The following HDAC9 variants were observed in gnomAD, a reference collection of about 807,000 sequenced individuals.
HDAC9 encodes the protein MEF-2 interacting transcription repressor (MITR) protein.
Under a neutral mutation model 139.4 loss-of-function variants are expected in HDAC9, and 41 were observed. That is an observed-to-expected ratio of 0.29 (90% CI 0.23 to 0.38). The LOEUF (loss-of-function observed/expected upper bound fraction) is 0.38. HDAC9 is among the 10% of genes least tolerant of loss of function. The pLI is 1.00. For missense variants in HDAC9, 1,147 were observed against 1,297.0 expected (o/e 0.88, Z 1.78); for synonymous variants, 517 against 476.2 (o/e 1.09, Z -1.12).
At chr7:18,251,247 A>G (rs1265215655) in intron 2 of HDAC9, among the ~76,000 whole-genome samples, 1 of 152,154 alleles carries the variant, frequency 6.6e-6, no homozygotes, top group African/African-American at 2.4e-5. Flanking sequence ...TCAGCAAACT[A>G]ATGCAGAGAG....
At chr7:18,367,806 T>G (rs1432963689) in intron 1 of HDAC9, among the ~76,000 whole-genome samples, 2 of 152,090 alleles carry the variant, frequency 1.3e-5, no homozygotes, top group African/African-American at 4.8e-5. Context: ...ATCAGCAGCC[T>G]ATGAAGGCTG....
chr7:18,701,419 A>AC (rs925561870), intron 12 of HDAC9, among the ~76,000 whole-genome samples: 8 of 151,846 alleles, frequency 5.3e-5, no homozygotes, highest in East Asian at 1.9e-4. Context: ...AAACAAACAA[A>AC]AAAAAAAAAC....
At chr7:18,769,598 G>T (rs538125399) in intron 16 of HDAC9, among the ~76,000 whole-genome samples, 1 of 152,080 alleles carries the variant, frequency 6.6e-6, no homozygotes, top group Non-Finnish European at 1.5e-5. Context: ...TGATGCTCTT[G>T]TGAACTAGTT....
At chr7:18,161,782 T>C (rs1787645502) in intron 1 of HDAC9, among the ~76,000 whole-genome samples, 1 of 152,206 alleles carries the variant, frequency 6.6e-6, no homozygotes, top group African/African-American at 2.4e-5. Context: ...TTTAGTCCAT[T>C]AAACATTTCT....
chr7:18,638,298 A>G (rs1343119217), intron 8 of HDAC9, among the ~76,000 whole-genome samples: 1 of 152,084 alleles, frequency 6.6e-6, no homozygotes, highest in Non-Finnish European at 1.5e-5. Flanking sequence ...GGCTATATCT[A>G]AAGATCTTGA....
At chr7:18,830,590 A>G (rs1250366346) in intron 19 of HDAC9, among the ~76,000 whole-genome samples, 1 of 152,228 alleles carries the variant, frequency 6.6e-6, no homozygotes, top group Non-Finnish European at 1.5e-5. Context: ...GAGAGAGCAC[A>G]AACAAAGCCA....
intron 1 of HDAC9, among the ~76,000 whole-genome samples, chr7:18,453,524 A>C (rs760371618): frequency 2.0e-5 from 3 of 152,200 alleles, no homozygotes; most frequent in African/African-American, 7.2e-5. Context: ...GTTTGTCGGA[A>C]AAGAATTAGT....
intron 6 of HDAC9, among the ~76,000 whole-genome samples, chr7:18,622,386 T>A (rs944735443): frequency 6.6e-6 from 1 of 152,182 alleles, no homozygotes; most frequent in Admixed American, 6.5e-5. Context: ...TGCAATGGCA[T>A]GATCTCGACT....
At chr7:18,876,175 G>T (rs1450537716) in intron 22 of HDAC9, among the ~76,000 whole-genome samples, 3 of 152,172 alleles carry the variant, frequency 2.0e-5, no homozygotes, top group African/African-American at 7.2e-5. Context: ...TATAGGAGAC[G>T]TGGGTTCTAC....
chr7:18,415,848 G>T (rs1211798067), intron 1 of HDAC9, among the ~76,000 whole-genome samples: 1 of 152,098 alleles, frequency 6.6e-6, no homozygotes, highest in Non-Finnish European at 1.5e-5. Flanking sequence ...TATCTTTACT[G>T]TATTCTTGCT....
chr7:18,954,041 G>A (rs915684567), intron 23 of HDAC9, 105 bp from the exon 24 acceptor site: 11 of 739,250 alleles, frequency 1.5e-5, no homozygotes, highest in South Asian at 6.9e-5. Flanking sequence ...AGTTCTCGGA[G>A]CAAGCTTTTC....
chr7:18,742,089 C>A (rs1166273673), intron 13 of HDAC9, among the ~76,000 whole-genome samples: 1 of 152,166 alleles, frequency 6.6e-6, no homozygotes, highest in African/African-American at 2.4e-5. Flanking sequence ...TAGAATATTA[C>A]ATAAACTTAG....
chr7:18,835,354 A>G, intron 19 of HDAC9, 113 bp from the exon 20 acceptor site: 1 of 1,157,406 alleles, frequency 8.6e-7, no homozygotes, highest in South Asian at 1.8e-5. Context: ...TAGTGAGAAG[A>G]CAGAAAATGA....
intron 17 of HDAC9, among the ~76,000 whole-genome samples, chr7:18,805,098 A>G (rs918874945): frequency 6.6e-6 from 1 of 152,192 alleles, no homozygotes; most frequent in African/African-American, 2.4e-5. Context: ...CGCCTGGCCC[A>G]GTGGAAGATT....
At chr7:18,589,072 A>C (rs2128814096) in intron 3 of HDAC9, among the ~76,000 whole-genome samples, 1 of 152,276 alleles carries the variant, frequency 6.6e-6, no homozygotes, top group South Asian at 2.1e-4. Flanking sequence ...TATGGCTCCG[A>C]GTAGTTTAGT....
At chr7:18,980,761 T>TCTTCTTC (rs1784882749) in intron 25 of HDAC9, among the ~76,000 whole-genome samples, 3 of 100,220 alleles carry the variant, frequency 3.0e-5, no homozygotes, top group African/African-American at 1.1e-4. Flanking sequence ...TCTTCTTCCT[T>TCTTCTTC]CTTCTTCTTC....
intron 1 of HDAC9, among the ~76,000 whole-genome samples, chr7:18,306,266 T>G (rs1798900642): frequency 1.3e-5 from 2 of 152,152 alleles, no homozygotes; most frequent in Non-Finnish European, 2.9e-5. Flanking sequence ...GGACTCAGAC[T>G]ATGGGTGGGG....
At chr7:18,244,215 G>A (rs1794371058) in intron 2 of HDAC9, among the ~76,000 whole-genome samples, 1 of 152,044 alleles carries the variant, frequency 6.6e-6, no homozygotes. Flanking sequence ...GTGGGGATGG[G>A]ATTCTTTTTA....
intron 1 of HDAC9, among the ~76,000 whole-genome samples, chr7:18,465,835 T>C (rs1445450912): frequency 6.6e-6 from 1 of 152,234 alleles, no homozygotes; most frequent in Non-Finnish European, 1.5e-5. Flanking sequence ...TATCCAGTGA[T>C]GGACTCTCTT....
Sources: gnomAD v4.1 joint callset for allele counts (sites outside exome capture counted in the v4.1 genomes callset) on GRCh38, gnomAD v4.1.1 for gene constraint, MANE v1.5 for transcripts, NCBI Gene and HGNC (gene_info 2026-07-23, HGNC 2026-07-21) for gene names.